Variants in KCNH8 observed in about 807,000 individuals in gnomAD.
KCNH8 encodes potassium voltage-gated channel subfamily H member 8.
Under a neutral mutation model 103.6 loss-of-function variants are expected in KCNH8, and 70 were observed. The ratio of observed to expected loss-of-function variants is 0.68; its 90% CI spans 0.56 to 0.82. KCNH8 has a LOEUF of 0.82. Among genes scored for constraint, KCNH8 ranks in the 40% least tolerant of loss-of-function variants. The pLI is 0.00. For missense variants in KCNH8, 1,217 were observed against 1,329.9 expected (o/e 0.92, Z 1.32); for synonymous variants, 498 against 489.4 (o/e 1.02, Z -0.23).
intron 1 of KCNH8, among the ~76,000 whole-genome samples, chr3:19,202,665 TAG>T (rs1022826784): frequency 2.0e-5 from 3 of 152,144 alleles, no homozygotes; most frequent in African/African-American, 7.2e-5. Context: ...TCCTGTTCTA[TAG>T]AGAGTAGTCT....
chr3:19,314,897 A>G (rs77021670), intron 3 of KCNH8: 1,708 of 154,270 alleles, frequency 0.011, 26 homozygotes, highest in African/African-American at 0.038. Context: ...TCTCATTGAT[A>G]TGGAGCTTAT....
chr3:19,202,982 T>G (rs528191874), intron 1 of KCNH8, among the ~76,000 whole-genome samples: 23 of 152,264 alleles, frequency 1.5e-4, no homozygotes, highest in Admixed American at 1.3e-3. Context: ...TCAAATACTG[T>G]TTGCATTTTG....
chr3:19,224,334 A>G lies in KCNH8; in HGVS notation c.77-29320A>G, dbSNP rs371227349. ...AGCACTTGAAAATGTAATCTATTAA[A>G]AGTTGCCATGAAGCCTGTGGGAAAT... On this transcript the variant is annotated intron_variant, in intron 1 of 15. Transcript: ENST00000328405. 8.4e-4 allele frequency among the ~76,000 whole-genome samples: 128 copies of G among 152,220 alleles called. 1 individual carries two copies. The highest frequency in any genetic ancestry group is 2.9e-3 in the African/African-American group (121 of 41,542).
chr3:19,206,863 A>T (rs991216936), intron 1 of KCNH8, among the ~76,000 whole-genome samples: 1 of 152,068 alleles, frequency 6.6e-6, no homozygotes, highest in African/African-American at 2.4e-5. Flanking sequence ...CCTGCCAGAT[A>T]TGGCAGATAA....
intron 7 of KCNH8, among the ~76,000 whole-genome samples, chr3:19,415,233 T>C (rs914189510): frequency 6.6e-6 from 1 of 151,962 alleles, no homozygotes; most frequent in Non-Finnish European, 1.5e-5. Flanking sequence ...ATGGGTTAAC[T>C]CATTTAATAT....
chr3:19,232,084 A>G (rs773102857), intron 1 of KCNH8, among the ~76,000 whole-genome samples: 3 of 152,190 alleles, frequency 2.0e-5, no homozygotes, highest in Non-Finnish European at 4.4e-5. Flanking sequence ...ATTGGAATGT[A>G]TTTTTTAGTG....
chr3:19,249,918 G>A (rs2064254324), intron 1 of KCNH8, among the ~76,000 whole-genome samples: 1 of 152,038 alleles, frequency 6.6e-6, no homozygotes, highest in Non-Finnish European at 1.5e-5. Flanking sequence ...TAGTCTTTAT[G>A]GGGTATCCTA....
intron 5 of KCNH8, among the ~76,000 whole-genome samples, chr3:19,351,626 G>T (rs935762881): frequency 2.0e-5 from 3 of 151,920 alleles, no homozygotes; most frequent in African/African-American, 7.3e-5. Context: ...TTTTATATCC[G>T]GCCAAACTAA....
chr3:19,499,464 G>A (rs566519069), intron 11 of KCNH8, among the ~76,000 whole-genome samples: 1 of 152,116 alleles, frequency 6.6e-6, no homozygotes, highest in Non-Finnish European at 1.5e-5. Flanking sequence ...TCCTTGAGAA[G>A]AGCAACTCCA....
intron 11 of KCNH8, among the ~76,000 whole-genome samples, chr3:19,501,853 T>C (rs987798795): frequency 3.9e-5 from 6 of 152,118 alleles, no homozygotes; most frequent in Non-Finnish European, 7.4e-5. Flanking sequence ...GCATTCCCTT[T>C]GAAAACTGGC....
At chr3:19,448,378 C>T (rs1021314968) in intron 8 of KCNH8, among the ~76,000 whole-genome samples, 2 of 151,914 alleles carry the variant, frequency 1.3e-5, no homozygotes, top group African/African-American at 4.8e-5. Context: ...TGTATATAGA[C>T]CCTAAGTTTA....
Position 19,329,464 on chromosome 3 carries a change from G to A in KCNH8, c.443-13123G>A, listed in dbSNP as rs369300713. On this transcript the variant is annotated intron_variant, in intron 3 of 15. Transcript: ENST00000328405. ...GAACAATAGGTAAAGCTATAATTAT[G>A]GCTTATATTTAGAAATGACCACATT... Among the ~76,000 whole-genome samples, 13 of 152,132 alleles carry A rather than the reference G, an allele frequency of 8.5e-5. 1 individual carries two copies. The highest frequency in any genetic ancestry group is 4.6e-4 in the Admixed American group (7 of 15,286).
At chr3:19,424,615 C>T (rs1278466986) in intron 7 of KCNH8, among the ~76,000 whole-genome samples, 1 of 152,128 alleles carries the variant, frequency 6.6e-6, no homozygotes, top group Middle Eastern at 3.4e-3. Flanking sequence ...ATAGATTAGA[C>T]CTCATTAAAC....
chr3:19,397,862 T>A (rs1387539628), intron 7 of KCNH8, among the ~76,000 whole-genome samples: 1 of 151,796 alleles, frequency 6.6e-6, no homozygotes, highest in Non-Finnish European at 1.5e-5. Flanking sequence ...TTTAAAACAT[T>A]CCCCAGCTGA....
At chr3:19,272,494 G>A (rs938154597) in intron 2 of KCNH8, among the ~76,000 whole-genome samples, 1 of 152,018 alleles carries the variant, frequency 6.6e-6, no homozygotes, top group Admixed American at 6.6e-5. Flanking sequence ...GTGAGGCAGG[G>A]TTGCTAAGAC....
intron 3 of KCNH8, among the ~76,000 whole-genome samples, chr3:19,298,117 G>T (rs140472298): frequency 1.6e-3 from 242 of 152,252 alleles, no homozygotes; most frequent in Middle Eastern, 3.4e-3. Context: ...CAGTGAATTT[G>T]ATTAGCTAAA....
At chr3:19,383,219 A>T (rs774036677) in intron 5 of KCNH8, among the ~76,000 whole-genome samples, 2 of 152,350 alleles carry the variant, frequency 1.3e-5, no homozygotes, top group Non-Finnish European at 2.9e-5. Context: ...GAAAATGAAC[A>T]TAATAGTTAT....
chr3:19,361,634 A>G (rs775164543), intron 5 of KCNH8, among the ~76,000 whole-genome samples: 3 of 152,148 alleles, frequency 2.0e-5, no homozygotes, highest in Non-Finnish European at 1.5e-5. Context: ...TTGTGCTTGT[A>G]ATACCAATTT....
intron 7 of KCNH8, among the ~76,000 whole-genome samples, chr3:19,415,447 T>C (rs1377073459): frequency 6.6e-6 from 1 of 150,876 alleles, no homozygotes; most frequent in Non-Finnish European, 1.5e-5. Flanking sequence ...GTAATAGATA[T>C]AAATCTTACA....
Sources: gnomAD v4.1 joint callset for allele counts (sites outside exome capture counted in the v4.1 genomes callset) on GRCh38, gnomAD v4.1.1 for gene constraint, MANE v1.5 for transcripts, NCBI Gene and HGNC (gene_info 2026-07-23, HGNC 2026-07-21) for gene names.